ITFG1: variants seen among roughly 807,000 people sequenced by gnomAD.
ITFG1 encodes the protein T-cell immunomodulatory protein.
A neutral mutation model predicts 81.8 loss-of-function variants in ITFG1; 34 were observed. The observed-to-expected ratio is 0.42, with a 90% CI of 0.32 to 0.55. ITFG1 has a LOEUF of 0.55. Ranked by LOEUF, ITFG1 falls within the 20% of genes least tolerant of loss-of-function variation. The pLI is 0.17. For synonymous variants in ITFG1, 285 were observed against 270.6 expected, an observed-to-expected ratio of 1.05 and a Z score of -0.52; for missense variants, 672 against 755.4, an observed-to-expected ratio of 0.89 and a Z score of 1.29.
intron 12 of ITFG1, among the ~76,000 whole-genome samples, chr16:47,242,851 G>A (rs1157326141): frequency 5.9e-5 from 9 of 152,166 alleles, no homozygotes; most frequent in Non-Finnish European, 1.5e-5. Flanking sequence ...AGGTGAACTG[G>A]GTTAGTAACT....
chr16:47,412,431 A>G (rs1482327507), intron 6 of ITFG1, among the ~76,000 whole-genome samples: 1 of 152,154 alleles, frequency 6.6e-6, no homozygotes, highest in Non-Finnish European at 1.5e-5. Flanking sequence ...CAAGTCAAAA[A>G]ATTCACTACA....
intron 10 of ITFG1, among the ~76,000 whole-genome samples, chr16:47,266,068 T>C (rs771954777): frequency 1.3e-5 from 2 of 152,224 alleles, no homozygotes; most frequent in Non-Finnish European, 2.9e-5. Context: ...ACAGACATTT[T>C]TTCAAGGAAA....
At chr16:47,324,009 A>C (rs1400990972) in intron 8 of ITFG1, among the ~76,000 whole-genome samples, 2 of 152,192 alleles carry the variant, frequency 1.3e-5, no homozygotes, top group South Asian at 2.1e-4. Context: ...AGCTTTTCTT[A>C]CCAAAAATAA....
chr16:47,406,071 C>T (rs1320573325), intron 6 of ITFG1, among the ~76,000 whole-genome samples: 1 of 152,172 alleles, frequency 6.6e-6, no homozygotes, highest in African/African-American at 2.4e-5. Context: ...TATCAGAGAA[C>T]ATAATGATAA....
chr16:47,284,497 T>C (rs1385734748), intron 10 of ITFG1, among the ~76,000 whole-genome samples: 1 of 152,220 alleles, frequency 6.6e-6, no homozygotes, highest in Admixed American at 6.5e-5. Flanking sequence ...TTTGCAGTTA[T>C]AATATACAGT....
rs537668902 is a variant in ITFG1 at position 47,166,264 on chromosome 16, C to T, written c.1454-3600G>A. Among the ~76,000 whole-genome samples, 5 of 152,318 alleles carry T rather than the reference C, an allele frequency of 3.3e-5. No individual in the cohort carries two copies. In the East Asian group the frequency reaches 9.6e-4, roughly 29 times the overall value. ...GTCTACATGACATCAAACTAGGCTTCTGTTTTCCTGTTTATACTATTAAAA... is the reference window on the plus strand; with the variant it reads ...GTCTACATGACATCAAACTAGGCTTTTGTTTTCCTGTTTATACTATTAAAA... On this transcript the variant is annotated intron_variant, in intron 14 of 17. Transcript: ENST00000320640.
At chr16:47,268,302 G>A (rs116730780) in intron 10 of ITFG1, among the ~76,000 whole-genome samples, 2,257 of 152,150 alleles carry the variant, frequency 0.015, 58 homozygotes, top group African/African-American at 0.051. Flanking sequence ...TGAAATGGAC[G>A]AATTCCCTGG....
intron 8 of ITFG1, among the ~76,000 whole-genome samples, chr16:47,351,240 G>C (rs2151581478): frequency 6.6e-6 from 1 of 152,270 alleles, no homozygotes. Context: ...GAAATAAAGG[G>C]TATTCAATTA....
chr16:47,242,711 T>C (rs1965948647), intron 12 of ITFG1, among the ~76,000 whole-genome samples: 1 of 152,184 alleles, frequency 6.6e-6, no homozygotes, highest in Non-Finnish European at 1.5e-5. Context: ...CATTTTCATA[T>C]ATATACTGTA....
intron 8 of ITFG1, among the ~76,000 whole-genome samples, chr16:47,344,681 T>A (rs186725482): frequency 1.3e-5 from 2 of 152,306 alleles, no homozygotes; most frequent in East Asian, 3.9e-4. Context: ...TCTGAGATAT[T>A]TGGTACAGGC....
At chr16:47,205,853 T>TATCC (rs1491575166) in intron 14 of ITFG1, among the ~76,000 whole-genome samples, 1 of 129,030 alleles carries the variant, frequency 7.8e-6, no homozygotes, top group African/African-American at 2.5e-5. Flanking sequence ...TCTATCTATC[T>TATCC]ATCTATCTAT....
intron 8 of ITFG1, among the ~76,000 whole-genome samples, chr16:47,354,908 TGGA>T (rs910840728): frequency 3.3e-5 from 5 of 152,000 alleles, no homozygotes; most frequent in African/African-American, 1.2e-4. Flanking sequence ...GGTGAAGAAG[TGGA>T]GAACAGGGAA....
In ITFG1 at chr16:47,231,988, T is replaced by G. The variant is rs151136930; in HGVS notation, c.1374+5977A>C. On this transcript the variant is annotated intron_variant, in intron 13 of 17. Coordinates refer to ENST00000320640, the MANE Select transcript of ITFG1 (RefSeq NM_030790.5). ...GGCAGTATGCATTAGTGCCAGTGAT[T>G]TGAAGATGCAACACTACTGGCTTTG... Among the ~76,000 whole-genome samples, 133 of 152,310 alleles carry G rather than the reference T, an allele frequency of 8.7e-4. 1 individual carries two copies. The highest frequency in any genetic ancestry group is 3.1e-3 in the African/African-American group (129 of 41,576).
At chr16:47,377,354 T>A (rs945926652) in intron 6 of ITFG1, among the ~76,000 whole-genome samples, 1 of 152,160 alleles carries the variant, frequency 6.6e-6, no homozygotes, top group Non-Finnish European at 1.5e-5. Flanking sequence ...CTGTTACTCA[T>A]GCACTCCCAA....
intron 5 of ITFG1, among the ~76,000 whole-genome samples, chr16:47,432,228 A>T (rs1414941022): frequency 6.6e-6 from 1 of 152,166 alleles, no homozygotes; most frequent in East Asian, 1.9e-4. Flanking sequence ...TCATAGTAAT[A>T]TGTTCCAGTC....
At chr16:47,256,418 T>C (rs1385164281) in intron 12 of ITFG1, among the ~76,000 whole-genome samples, 1 of 152,204 alleles carries the variant, frequency 6.6e-6, no homozygotes, top group Non-Finnish European at 1.5e-5. Flanking sequence ...AACTTGGTTA[T>C]TCTAATTACA....
At chr16:47,204,773 T>G (rs945806071) in intron 14 of ITFG1, among the ~76,000 whole-genome samples, 2 of 152,220 alleles carry the variant, frequency 1.3e-5, no homozygotes, top group African/African-American at 4.8e-5. Context: ...GCCCCAGTCT[T>G]TGTGGCATTT....
chr16:47,302,915 T>G (rs1392297556), intron 10 of ITFG1, among the ~76,000 whole-genome samples: 1 of 152,180 alleles, frequency 6.6e-6, no homozygotes, highest in East Asian at 1.9e-4. Flanking sequence ...GAACTAAGCT[T>G]CTTCTCTGCA....
At chr16:47,261,636 C>T (rs1036501869) in intron 10 of ITFG1, among the ~76,000 whole-genome samples, 1 of 152,060 alleles carries the variant, frequency 6.6e-6, no homozygotes, top group East Asian at 1.9e-4. Context: ...ATGATACGGC[C>T]TAAATTTTAT....
Sources: gnomAD v4.1 joint callset for allele counts (sites outside exome capture counted in the v4.1 genomes callset) on GRCh38, gnomAD v4.1.1 for gene constraint, MANE v1.5 for transcripts, NCBI Gene and HGNC (gene_info 2026-07-23, HGNC 2026-07-21) for gene names.